IRAK2: variants seen among roughly 807,000 people sequenced by gnomAD.
The protein encoded by IRAK2 is interleukin-1 receptor-associated kinase-like 2.
In IRAK2, 57 loss-of-function variants were observed where a neutral mutation model predicts 72.0. The ratio of observed to expected loss-of-function variants is 0.79; its 90% CI spans 0.64 to 0.99. The LOEUF (loss-of-function observed/expected upper bound fraction) is 0.99. Ranked by LOEUF, IRAK2 falls within the 50% of genes least tolerant of loss-of-function variation. The pLI, the probability that IRAK2 is intolerant of heterozygous loss-of-function variation, is 0.00. For synonymous variants in IRAK2, 293 were observed against 312.7 expected, an observed-to-expected ratio of 0.94 and a Z score of 0.67; for missense variants, 790 against 794.4, an observed-to-expected ratio of 0.99 and a Z score of 0.07.
At chr3:10,167,347 T>A (rs1399613322) in intron 1 of IRAK2, among the ~76,000 whole-genome samples, 1 of 152,210 alleles carries the variant, frequency 6.6e-6, no homozygotes, top group Non-Finnish European at 1.5e-5. Flanking sequence ...TAATATATAG[T>A]GCTCTGTGAC....
intron 1 of IRAK2, among the ~76,000 whole-genome samples, chr3:10,177,293 C>T (rs1157285712): frequency 6.6e-6 from 1 of 152,112 alleles, no homozygotes; most frequent in Non-Finnish European, 1.5e-5. Context: ...GAATGAGATG[C>T]CCAGGGCAAA....
At position 10,213,239 on chromosome 3, in the gene IRAK2, A is replaced by G. The variant is rs1428549369; in HGVS notation, c.561A>G (p.Lys187=). The change falls in exon 5 of 13, where the codon AAA becomes AAG. Residue 187 remains lysine, a synonymous_variant. Transcript: ENST00000256458. ...GCACCTCCATTCCTAAGCAGGAAAAACTTTTGAGCTTGGCTGGAGACAGCC... is the reference window on the plus strand; with the variant it reads ...GCACCTCCATTCCTAAGCAGGAAAAGCTTTTGAGCTTGGCTGGAGACAGCC... ...DFSTSIPKQE[K]LLSLAGDSLF... is the part of the protein sequence containing the mutation. 7 of 1,614,018 alleles carry G rather than the reference A, an allele frequency of 4.3e-6. No homozygotes were observed. Among genetic ancestry groups the G allele is most frequent in the Non-Finnish European group, 3.4e-6 (4 of 1,180,024 alleles).
chr3:10,209,710 C>A lies in IRAK2; in HGVS notation c.528+18C>A, dbSNP rs138794567. On this transcript the variant is annotated intron_variant, in intron 4 of 12. Transcript: ENST00000256458. ...ATTCAAAGGTAAATCCACCCCTCGG[C>A]TGCAGCCCCCAAGCCATGTCTCCCA... is the stretch of plus-strand genomic sequence containing the variant. 2,716 of 1,413,196 alleles carry A rather than the reference C, an allele frequency of 1.9e-3. 4 individuals carry two copies. The highest frequency in any genetic ancestry group is 2.8e-3 in the Middle Eastern group (15 of 5,412). The allele number at this position is 1,413,196 out of a possible 1,614,324, so 87.5% of individuals were successfully genotyped here.
chr3:10,195,064 C>T (rs550084122), intron 2 of IRAK2, among the ~76,000 whole-genome samples: 2 of 152,284 alleles, frequency 1.3e-5, no homozygotes, highest in East Asian at 3.9e-4. Flanking sequence ...GGGGCCACCG[C>T]ATGTCACTGC....
At position 10,236,341 on chromosome 3, in the gene IRAK2, G is replaced by GT. The variant is rs1338122281; in HGVS notation, c.1473+1682_1473+1683insT. Among the ~76,000 whole-genome samples the GT allele has an allele frequency of 1.6e-3, 197 of 125,234 alleles. 4 individuals carry two copies. The highest frequency in any genetic ancestry group is 9.5e-3 in the South Asian group (32 of 3,358). 82.2% of individuals were successfully genotyped at this position (125,234 alleles called of 152,430 possible). Reference sequence around the variant, plus strand: ...GTAAGGATTTTTGCAGAGCCACTAAGGTTTTTTTTTTTTTTTTTTTTTTTT... The same window carrying GT: ...GTAAGGATTTTTGCAGAGCCACTAAGTGTTTTTTTTTTTTTTTTTTTTTTTT... On this transcript the variant is annotated intron_variant, in intron 11 of 12. Transcript: ENST00000256458.
chr3:10,165,099 C>G, intron 1 of IRAK2, 51 bp downstream of exon 1: 1 of 1,505,426 alleles, frequency 6.6e-7, no homozygotes, highest in Middle Eastern at 2.4e-4. Flanking sequence ...GAGCCCCCAG[C>G]GATCCCGCCT....
At chr3:10,183,055 A>G (rs1404719900) in intron 2 of IRAK2, among the ~76,000 whole-genome samples, 1 of 152,196 alleles carries the variant, frequency 6.6e-6, no homozygotes, top group African/African-American at 2.4e-5. Flanking sequence ...TACAGCCGTG[A>G]GCCACCGCGC....
chr3:10,192,955 T>G (rs1403434383), intron 2 of IRAK2, among the ~76,000 whole-genome samples: 1 of 151,650 alleles, frequency 6.6e-6, no homozygotes, highest in African/African-American at 2.4e-5. Flanking sequence ...GTTAATTTTT[T>G]TATCCTCATG....
chr3:10,220,278 C>T (rs1347270987), intron 8 of IRAK2, among the ~76,000 whole-genome samples: 1 of 152,200 alleles, frequency 6.6e-6, no homozygotes, highest in Non-Finnish European at 1.5e-5. Context: ...GTGCCATGCA[C>T]ATGAGAGGGA....
intron 2 of IRAK2, among the ~76,000 whole-genome samples, chr3:10,192,974 C>CG (rs146766391): frequency 0.042 from 6,429 of 152,064 alleles, 398 homozygotes; most frequent in African/African-American, 0.13. Flanking sequence ...TGGCTGGTCT[C>CG]GGGTCGGGGG....
chr3:10,185,255 G>A (rs1164270924), intron 2 of IRAK2, among the ~76,000 whole-genome samples: 1 of 151,144 alleles, frequency 6.6e-6, no homozygotes, highest in African/African-American at 2.5e-5. Flanking sequence ...GATGCACCTT[G>A]AAGTTTAAGA....
rs1017844207 is a variant in IRAK2 at position 10,184,881 on chromosome 3, C to T, written c.277+6861C>T. On this transcript the variant is annotated intron_variant, in intron 2 of 12. Transcript: ENST00000256458. ...AGTAGCTGGGACTACAGGCGCCCGC[C>T]ACCATGCCCGGCTATTTTTTTATTT... 1.5e-4 allele frequency among the ~76,000 whole-genome samples: 23 copies of T among 148,998 alleles called. 1 individual carries two copies. The highest frequency in any genetic ancestry group is 6.6e-4 in the Admixed American group (10 of 15,082).
At chr3:10,182,880 C>T (rs1696982836) in intron 2 of IRAK2, among the ~76,000 whole-genome samples, 2 of 151,648 alleles carry the variant, frequency 1.3e-5, no homozygotes, top group Admixed American at 1.3e-4. Context: ...AAGTGGTTCT[C>T]CTGCCTCAGC....
intron 1 of IRAK2, among the ~76,000 whole-genome samples, chr3:10,172,410 C>T (rs887479563): frequency 6.6e-6 from 1 of 151,318 alleles, no homozygotes; most frequent in Admixed American, 6.6e-5. Flanking sequence ...TGATGGCACT[C>T]GCCTGTAATC....
At chr3:10,193,079 G>A (rs55864356) in intron 2 of IRAK2, among the ~76,000 whole-genome samples, 2,781 of 152,232 alleles carry the variant, frequency 0.018, 73 homozygotes, top group African/African-American at 0.065. Flanking sequence ...TCCAGACTGC[G>A]GGAGTTCATT....
chr3:10,199,753 G>A (rs1697325447), intron 2 of IRAK2, among the ~76,000 whole-genome samples: 1 of 152,150 alleles, frequency 6.6e-6, no homozygotes, highest in South Asian at 2.1e-4. Context: ...TTTTATAGGT[G>A]AGGGAAGGGA....
chr3:10,182,794 G>A (rs1696981629), intron 2 of IRAK2, among the ~76,000 whole-genome samples: 1 of 148,850 alleles, frequency 6.7e-6, no homozygotes, highest in African/African-American at 2.5e-5. Context: ...TTTTTGAGAC[G>A]GAGTCTCTTT....
In IRAK2 at chr3:10,177,947, GGC is replaced by G. The variant is rs1378018351; in HGVS notation, c.205_206del (p.Ala69HisfsTer29). 6.2e-7 allele frequency: 1 copy of G among 1,613,738 alleles called. No individual in the cohort carries two copies. Among genetic ancestry groups the G allele is most frequent in the Non-Finnish European group, 8.5e-7 (1 of 1,180,036 alleles). ...ELLWWWGMRQ[A>X]TVQQLVDLLC... Reference sequence around the variant, plus strand: ...TGCTGTGGTGGTGGGGCATGCGGCAGGCCACCGTCCAGCAACTTGTGGACCTC... The same window carrying G: ...TGCTGTGGTGGTGGGGCATGCGGCAGCACCGTCCAGCAACTTGTGGACCTC... On this transcript the variant is annotated frameshift_variant, in exon 2 of 13. Coordinates refer to ENST00000256458, the MANE Select transcript of IRAK2 (RefSeq NM_001570.4). LOFTEE classifies it high-confidence loss of function.
intron 9 of IRAK2, 47 bp downstream of exon 9, chr3:10,222,878 C>T (rs1254805733): frequency 1.3e-6 from 2 of 1,524,338 alleles, no homozygotes; most frequent in Admixed American, 3.4e-5. Flanking sequence ...CTTGATTTGT[C>T]CTTCCCACGG....
Sources: gnomAD v4.1 joint callset for allele counts (sites outside exome capture counted in the v4.1 genomes callset) on GRCh38, gnomAD v4.1.1 for gene constraint, MANE v1.5 for transcripts, NCBI Gene and HGNC (gene_info 2026-07-23, HGNC 2026-07-21) for gene names.